The following MEIS2 variants were observed in gnomAD, a reference collection of about 807,000 sequenced individuals.
The protein encoded by MEIS2 is homeobox protein Meis2.
A neutral mutation model predicts 58.6 loss-of-function variants in MEIS2; 9 were observed. That is an observed-to-expected ratio of 0.15 (90% CI 0.09 to 0.27). The LOEUF (loss-of-function observed/expected upper bound fraction) is 0.27, where lower values mean the gene tolerates loss of function less well. Ranked by LOEUF, MEIS2 falls within the 10% of genes least tolerant of loss-of-function variation. MEIS2 has a pLI of 1.00. For missense variants in MEIS2, 427 were observed against 635.0 expected, an observed-to-expected ratio of 0.67 and a Z score of 3.52; for synonymous variants, 221 against 228.4, an observed-to-expected ratio of 0.97 and a Z score of 0.29.
At chr15:37,060,651 A>C (rs1889084937) in intron 7 of MEIS2, among the ~76,000 whole-genome samples, 1 of 152,210 alleles carries the variant, frequency 6.6e-6, no homozygotes, top group African/African-American at 2.4e-5. Flanking sequence ...TGAACTTTTC[A>C]AATAAGACTG....
chr15:37,034,329 C>A (rs1245396235), intron 8 of MEIS2, among the ~76,000 whole-genome samples: 1 of 152,180 alleles, frequency 6.6e-6, no homozygotes, highest in Non-Finnish European at 1.5e-5. Context: ...CAGAGGATCA[C>A]AGAGCATGAA....
intron 8 of MEIS2, among the ~76,000 whole-genome samples, chr15:36,963,520 T>C (rs2059259287): frequency 6.6e-6 from 1 of 152,142 alleles, no homozygotes; most frequent in South Asian, 2.1e-4. Context: ...TATTTGTAGG[T>C]GTAAAATTTT....
chr15:37,100,862 C>T (rs1462894577), upstream of MEIS2: 1 of 148,252 alleles, frequency 6.7e-6, no homozygotes, highest in Non-Finnish European at 1.5e-5. Flanking sequence ...CGCCTCAGAT[C>T]TTTTCATTTA....
intron 8 of MEIS2, among the ~76,000 whole-genome samples, chr15:36,960,839 T>TA (rs1215387228): frequency 1.3e-5 from 2 of 152,128 alleles, no homozygotes; most frequent in African/African-American, 4.8e-5. Context: ...TATGACAAAG[T>TA]AAAACAAGAT....
intron 9 of MEIS2, among the ~76,000 whole-genome samples, chr15:36,921,829 C>T (rs1431183114): frequency 6.6e-6 from 1 of 152,008 alleles, no homozygotes; most frequent in Admixed American, 6.6e-5. Context: ...TTGGAAGGCT[C>T]GAGGAAGAGC....
intron 9 of MEIS2, among the ~76,000 whole-genome samples, chr15:36,909,300 T>C (rs1380160509): frequency 2.6e-5 from 4 of 152,126 alleles, no homozygotes; most frequent in African/African-American, 9.7e-5. Context: ...ACTTTCCTAC[T>C]AGATAGCCTT....
At chr15:37,010,457 A>G (rs1449592962) in intron 8 of MEIS2, among the ~76,000 whole-genome samples, 2 of 152,112 alleles carry the variant, frequency 1.3e-5, no homozygotes, top group Non-Finnish European at 2.9e-5. Context: ...ATCTTGGCTC[A>G]CTGCAACCTG....
Position 36,930,115 on chromosome 15 carries a change from A to C in MEIS2, c.977+20209T>G, listed in dbSNP as rs1226455715. On this transcript the variant is annotated intron_variant, in intron 9 of 11. Transcript: ENST00000561208. ...CTACTTGGGAGGTTGAGGCAGGAGA[A>C]TTGTTTGAACCCAGGAGACAGAGGT... Among the ~76,000 whole-genome samples the C allele has an allele frequency of 2.0e-5, 3 of 150,628 alleles. No individual in the cohort carries two copies. The East Asian group carries it at 6.1e-4, about 30-fold the overall frequency.
intron 9 of MEIS2, among the ~76,000 whole-genome samples, chr15:36,926,067 T>C (rs2057734098): frequency 1.3e-5 from 2 of 152,172 alleles, no homozygotes; most frequent in Admixed American, 1.3e-4. Context: ...TATCTTCAAA[T>C]AAAAAGATAT....
intron 9 of MEIS2, 124 bp downstream of exon 9, chr15:36,950,200 G>T: frequency 1.2e-6 from 1 of 831,006 alleles, no homozygotes; most frequent in Non-Finnish European, 1.9e-6. Flanking sequence ...CCTCGAGGTA[G>T]AAACACAGAA....
chr15:36,899,208 C>A (rs913354976), intron 9 of MEIS2, among the ~76,000 whole-genome samples: 1 of 152,136 alleles, frequency 6.6e-6, no homozygotes, highest in Admixed American at 6.5e-5. Context: ...AACATATGGG[C>A]CCCAAATTTT....
intron 7 of MEIS2, among the ~76,000 whole-genome samples, chr15:37,074,187 C>A (rs1234257115): frequency 6.6e-6 from 1 of 151,904 alleles, no homozygotes; most frequent in East Asian, 1.9e-4. Flanking sequence ...AAACACGCCT[C>A]ATATTTTAGC....
intron 7 of MEIS2, among the ~76,000 whole-genome samples, chr15:37,043,324 C>T (rs1397500985): frequency 6.6e-6 from 1 of 152,092 alleles, no homozygotes; most frequent in African/African-American, 2.4e-5. Context: ...TTACCATATT[C>T]ATTAACATTT....
intron 8 of MEIS2, among the ~76,000 whole-genome samples, chr15:37,035,177 G>A (rs2062102180): frequency 6.6e-6 from 1 of 152,170 alleles, no homozygotes; most frequent in South Asian, 2.1e-4. Flanking sequence ...GCCGTTCTTA[G>A]TTGCTACTCT....
chr15:37,030,597 A>G (rs1163299726), intron 8 of MEIS2, among the ~76,000 whole-genome samples: 2 of 151,074 alleles, frequency 1.3e-5, no homozygotes, highest in Non-Finnish European at 3.0e-5. Flanking sequence ...TTGGCCTCCC[A>G]AAGTGCTAGG....
At chr15:36,968,374 T>G (rs962770338) in intron 8 of MEIS2, among the ~76,000 whole-genome samples, 2 of 152,076 alleles carry the variant, frequency 1.3e-5, no homozygotes, top group African/African-American at 4.8e-5. Flanking sequence ...GGGGTTGAAA[T>G]AAATCCCCCA....
In MEIS2 at chr15:37,023,178, T is replaced by C. The variant is rs546949137; in HGVS notation, c.900+13636A>G. 1.3e-4 allele frequency among the ~76,000 whole-genome samples: 20 copies of C among 152,334 alleles called. No individual in the cohort carries two copies. The South Asian group carries it at 2.7e-3, about 20-fold the overall frequency. ...CCTTTGCTTTTACTCTCAAAACATT[T>C]CATTAAACGAAGGAAAGAGAAATAG... On this transcript the variant is annotated intron_variant, in intron 8 of 11. Coordinates refer to ENST00000561208, the MANE Select transcript of MEIS2 (RefSeq NM_170675.5).
At chr15:37,003,347 A>G (rs1020750518) in intron 8 of MEIS2, among the ~76,000 whole-genome samples, 12 of 151,946 alleles carry the variant, frequency 7.9e-5, no homozygotes, top group Non-Finnish European at 1.8e-4. Context: ...GGTAAACAAC[A>G]ACAACAACAA....
At chr15:37,064,199 T>C (rs931231787) in intron 7 of MEIS2, among the ~76,000 whole-genome samples, 3 of 152,142 alleles carry the variant, frequency 2.0e-5, no homozygotes, top group African/African-American at 7.2e-5. Flanking sequence ...TGTGTCTCCA[T>C]ACAATATATC....
Sources: gnomAD v4.1 joint callset for allele counts (sites outside exome capture counted in the v4.1 genomes callset) on GRCh38, gnomAD v4.1.1 for gene constraint, MANE v1.5 for transcripts, NCBI Gene and HGNC (gene_info 2026-07-23, HGNC 2026-07-21) for gene names.